DDAH1: variants seen among roughly 807,000 people sequenced by gnomAD.
DDAH1 encodes the protein dimethylarginine dimethylaminohydrolase 1, also known as N(G),N(G)-dimethylarginine dimethylaminohydrolase 1.
DDAH1 carries 19 observed loss-of-function variants against 28.8 expected under a neutral mutation model. That is an observed-to-expected ratio of 0.66 (90% CI 0.46 to 0.97). DDAH1 has a LOEUF of 0.97. Among genes scored for constraint, DDAH1 ranks in the 50% least tolerant of loss-of-function variants. The pLI is 0.00. For missense variants in DDAH1, 326 were observed against 375.9 expected, an observed-to-expected ratio of 0.87 and a Z score of 1.10; for synonymous variants, 153 against 154.4, an observed-to-expected ratio of 0.99 and a Z score of 0.07.
chr1:85,543,237 C>G (rs1000954383), intron 1 of DDAH1, among the ~76,000 whole-genome samples: 1 of 152,160 alleles, frequency 6.6e-6, no homozygotes, highest in Non-Finnish European at 1.5e-5. Flanking sequence ...TAGTTAAATT[C>G]TCAGTCACAA....
intron 1 of DDAH1, chr1:85,400,011 C>CAAAT: frequency 6.6e-6 from 1 of 152,050 alleles, no homozygotes; most frequent in African/African-American, 2.4e-5. Flanking sequence ...CAAGTGGACT[C>CAAAT]AAATATTTTT....
chr1:85,331,407 C>T (rs1423852522), intron 4 of DDAH1, among the ~76,000 whole-genome samples: 6 of 108,688 alleles, frequency 5.5e-5, no homozygotes, highest in Non-Finnish European at 1.0e-4. Flanking sequence ...CATAATTGAT[C>T]TTTATATTCA....
chr1:85,396,927 C>T (rs1324825662), intron 1 of DDAH1, among the ~76,000 whole-genome samples: 1 of 151,468 alleles, frequency 6.6e-6, no homozygotes, highest in Non-Finnish European at 1.5e-5. Context: ...CCTAGCTACT[C>T]GGGAGGCTGA....
intron 1 of DDAH1, among the ~76,000 whole-genome samples, chr1:85,369,557 C>T (rs985269205): frequency 6.6e-6 from 1 of 152,022 alleles, no homozygotes; most frequent in African/African-American, 2.4e-5. Flanking sequence ...CCTATTTGTC[C>T]CAATAATCAC....
chr1:85,429,596 C>T (rs1342166427), intron 1 of DDAH1, among the ~76,000 whole-genome samples: 1 of 152,208 alleles, frequency 6.6e-6, no homozygotes, highest in African/African-American at 2.4e-5. Context: ...GCCACACTGA[C>T]TTCCACAATG....
chr1:85,506,823 G>A (rs548091106), intron 1 of DDAH1, among the ~76,000 whole-genome samples: 1 of 152,330 alleles, frequency 6.6e-6, no homozygotes, highest in Admixed American at 6.5e-5. Context: ...TTAGGAAGGT[G>A]CCTCGGATAG....
chr1:85,505,375 C>A (rs1656979072), intron 1 of DDAH1, among the ~76,000 whole-genome samples: 1 of 152,114 alleles, frequency 6.6e-6, no homozygotes, highest in East Asian at 1.9e-4. Flanking sequence ...TACAGAGGAA[C>A]AATCAAGGCA....
chr1:85,530,024 C>A (rs1431917007), intron 1 of DDAH1, among the ~76,000 whole-genome samples: 8 of 142,252 alleles, frequency 5.6e-5, no homozygotes, highest in East Asian at 2.1e-4. Context: ...AACTGCTGAC[C>A]CACGCATTTG....
At chr1:85,493,377 A>C (rs1334262686) in intron 2 of DDAH1, 1 of 152,116 alleles carries the variant, frequency 6.6e-6, no homozygotes, top group Non-Finnish European at 1.5e-5. Flanking sequence ...CAGCTTAAAA[A>C]ATTTTTCAAA....
chr1:85,376,276 T>C (rs1372627548), intron 1 of DDAH1, among the ~76,000 whole-genome samples: 2 of 152,170 alleles, frequency 1.3e-5, no homozygotes, highest in Admixed American at 6.6e-5. Context: ...GCTGAATAGA[T>C]ACCGTATGGA....
At chr1:85,425,952 C>T (rs1276313267) in intron 1 of DDAH1, among the ~76,000 whole-genome samples, 3 of 152,028 alleles carry the variant, frequency 2.0e-5, no homozygotes, top group Admixed American at 6.6e-5. Context: ...GTCTAGCTAC[C>T]GGGGATATAC....
intron 1 of DDAH1, among the ~76,000 whole-genome samples, chr1:85,439,834 C>T (rs960115009): frequency 2.6e-5 from 4 of 152,134 alleles, no homozygotes; most frequent in African/African-American, 7.2e-5. Flanking sequence ...AATTTTCCTA[C>T]TTTAAGATAT....
intron 4 of DDAH1, among the ~76,000 whole-genome samples, chr1:85,336,468 G>GA (rs539959481): frequency 6.7e-6 from 1 of 150,352 alleles, no homozygotes; most frequent in South Asian, 2.1e-4. Context: ...AAGAAAGAAA[G>GA]AAAAAAAAAT....
At chr1:85,494,806 C>T (rs1656525377) in intron 2 of DDAH1, 1 of 152,308 alleles carries the variant, frequency 6.6e-6, no homozygotes, top group Non-Finnish European at 1.5e-5. Flanking sequence ...CACACAAGGT[C>T]ACTTGGTCTA....
intron 2 of DDAH1, among the ~76,000 whole-genome samples, chr1:85,477,887 T>C (rs773245458): frequency 7.9e-5 from 12 of 152,112 alleles, no homozygotes; most frequent in Non-Finnish European, 2.9e-5. Context: ...TTTTATGCTT[T>C]TATTCCCTAG....
intron 1 of DDAH1, among the ~76,000 whole-genome samples, chr1:85,421,224 G>T (rs1653128072): frequency 6.6e-6 from 1 of 152,074 alleles, no homozygotes; most frequent in Non-Finnish European, 1.5e-5. Context: ...ACTTGAATGG[G>T]GACACAGATC....
intron 1 of DDAH1, among the ~76,000 whole-genome samples, chr1:85,553,443 G>T (rs530038269): frequency 6.6e-6 from 1 of 152,334 alleles, no homozygotes; most frequent in South Asian, 2.1e-4. Context: ...AAACTTTTGG[G>T]ATCTCTAGAA....
At chr1:85,544,581 G>C (rs1398383862) in intron 1 of DDAH1, among the ~76,000 whole-genome samples, 1 of 152,030 alleles carries the variant, frequency 6.6e-6, no homozygotes, top group Non-Finnish European at 1.5e-5. Context: ...CTTCTCTTAG[G>C]TGTGGTTTCA....
intron 1 of DDAH1, among the ~76,000 whole-genome samples, chr1:85,563,064 C>T (rs1659184970): frequency 1.3e-5 from 2 of 152,060 alleles, no homozygotes; most frequent in Non-Finnish European, 2.9e-5. Flanking sequence ...TACAATTATC[C>T]CAGCTTACTG....
Sources: allele counts gnomAD v4.1 joint callset (sites outside exome capture counted in the v4.1 genomes callset), GRCh38; gene constraint gnomAD v4.1.1; transcripts MANE v1.5; gene names NCBI Gene and HGNC (gene_info 2026-07-23, HGNC 2026-07-21).